Variants in DCDC1 observed in about 807,000 individuals in gnomAD.
DCDC1 encodes doublecortin domain-containing protein 1.
A neutral mutation model predicts 178.3 loss-of-function variants in DCDC1; 200 were observed. The observed-to-expected ratio is 1.12, with a 90% CI of 1.00 to 1.26. The LOEUF is 1.26. Ranked by LOEUF, DCDC1 falls within the 50% of genes most tolerant of loss-of-function variation. The pLI, the probability that DCDC1 is intolerant of heterozygous loss-of-function variation, is 0.00. For missense variants in DCDC1, 1,983 were observed against 1,749.2 expected (o/e 1.13, Z -2.38); for synonymous variants, 690 against 604.8 (o/e 1.14, Z -2.07).
chr11:31,204,435 A>G (rs1053725192), intron 9 of DCDC1, among the ~76,000 whole-genome samples: 13 of 152,224 alleles, frequency 8.5e-5, no homozygotes, highest in African/African-American at 3.1e-4. Context: ...CCTGAAAAAA[A>G]AAAAGGGATA....
intron 9 of DCDC1, among the ~76,000 whole-genome samples, chr11:31,218,787 C>G (rs1037104575): frequency 2.0e-5 from 3 of 152,106 alleles, no homozygotes; most frequent in South Asian, 4.1e-4. Flanking sequence ...CTTCATTCTT[C>G]CTCCCTCACT....
At chr11:30,965,050 G>A (rs1039042927) in intron 20 of DCDC1, among the ~76,000 whole-genome samples, 27 of 152,152 alleles carry the variant, frequency 1.8e-4, no homozygotes, top group Admixed American at 5.2e-4. Flanking sequence ...CTGAAGACAG[G>A]GTGAGTGAGT....
At chr11:31,210,299 C>G (rs1565435990) in intron 9 of DCDC1, among the ~76,000 whole-genome samples, 1 of 152,198 alleles carries the variant, frequency 6.6e-6, no homozygotes, top group Non-Finnish European at 1.5e-5. Context: ...CAATTGTTCC[C>G]AGTTCCAGAA....
At chr11:31,368,481 G>C (rs1952083934) in intron 1 of DCDC1, among the ~76,000 whole-genome samples, 1 of 152,066 alleles carries the variant, frequency 6.6e-6, no homozygotes, top group Non-Finnish European at 1.5e-5. Context: ...ATTTTCATGA[G>C]GCCACACAAG....
At chr11:31,081,294 T>A (rs1277836448) in intron 17 of DCDC1, among the ~76,000 whole-genome samples, 3 of 152,128 alleles carry the variant, frequency 2.0e-5, no homozygotes, top group Admixed American at 6.5e-5. Flanking sequence ...CTAAAGAAGA[T>A]AAATTACACA....
chr11:31,103,556 GT>G, intron 14 of DCDC1, 87 bp downstream of exon 14: 1 of 605,998 alleles, frequency 1.7e-6, no homozygotes, highest in South Asian at 2.1e-5. Flanking sequence ...ATCTTTTAGT[GT>G]TTCGAATCTC....
intron 20 of DCDC1, among the ~76,000 whole-genome samples, chr11:30,963,576 A>T (rs1424661491): frequency 6.6e-6 from 1 of 152,006 alleles, no homozygotes; most frequent in Non-Finnish European, 1.5e-5. Context: ...CTGGACATGT[A>T]CTCCACTAGT....
intron 9 of DCDC1, among the ~76,000 whole-genome samples, chr11:31,233,504 G>T (rs1424054086): frequency 6.6e-6 from 1 of 152,110 alleles, no homozygotes; most frequent in Non-Finnish European, 1.5e-5. Flanking sequence ...CTTTTTGGGG[G>T]TGGGGAGGTA....
intron 6 of DCDC1, among the ~76,000 whole-genome samples, chr11:31,298,923 A>G (rs2137510404): frequency 6.6e-6 from 1 of 152,348 alleles, no homozygotes; most frequent in South Asian, 2.1e-4. Context: ...ATAAATTTGA[A>G]AACACAACAC....
At chr11:31,023,814 G>A (rs1166051836) in intron 20 of DCDC1, among the ~76,000 whole-genome samples, 1 of 151,856 alleles carries the variant, frequency 6.6e-6, no homozygotes, top group Non-Finnish European at 1.5e-5. Context: ...ATGGAAAGGT[G>A]TAATCAGATA....
intron 2 of DCDC1, among the ~76,000 whole-genome samples, chr11:31,330,976 C>T (rs925478783): frequency 1.3e-5 from 2 of 152,062 alleles, no homozygotes; most frequent in African/African-American, 2.4e-5. Context: ...CTAAAATTAC[C>T]TTGGGCAGTA....
chr11:31,099,232 T>C (rs974897420), intron 15 of DCDC1, among the ~76,000 whole-genome samples: 11 of 152,314 alleles, frequency 7.2e-5, no homozygotes, highest in African/African-American at 2.6e-4. Flanking sequence ...TAACTGAATA[T>C]CTAGATATTG....
rs1944955142 is a variant in DCDC1, at chr11:30,904,984, T to C, written c.4285A>G (p.Ile1429Val). The C allele has an allele frequency of 6.2e-7, 1 of 1,613,670 alleles. No individual in the cohort carries two copies. Among genetic ancestry groups the C allele is most frequent in the Non-Finnish European group, 8.5e-7 (1 of 1,179,706 alleles). ...ACCATGGGGAATGTTCCAGCCACAA[T>C]TAACTTCCCATTACGATACCCATCC... ...NGDGYRNGKLIVAGTFPMLLT... is the reference protein window; with the variant it reads ...NGDGYRNGKLVVAGTFPMLLT... Residue 1429 changes from isoleucine to valine, a missense_variant, in exon 31 of 39, where the codon ATT (isoleucine) becomes GTT (valine). By Grantham distance (29) the Ile-to-Val change is conservative. Transcript: ENST00000684477.
chr11:30,865,223 C>T lies in DCDC1; in HGVS notation c.*150G>A, dbSNP rs1940874177. Reference sequence around the variant, plus strand: ...GACTAATTTTTTTTAATAAACTATGCAGGATTGTTATTTAGAAGATTTGCC... The same window carrying T: ...GACTAATTTTTTTTAATAAACTATGTAGGATTGTTATTTAGAAGATTTGCC... On this transcript the variant is annotated 3_prime_UTR_variant, in exon 39 of 39. Transcript: ENST00000684477. 1 of 151,996 alleles carries T rather than the reference C, an allele frequency of 6.6e-6. No individual in the cohort carries two copies. The highest frequency in any genetic ancestry group is 6.6e-5 in the Admixed American group (1 of 15,258). The allele number at this position is 151,996 out of a possible 1,614,324, so 9.4% of individuals were successfully genotyped here.
At chr11:31,360,861 TAGTTGGACCTACTCTATAGATAAAGGAG>T (rs1321406330) in intron 1 of DCDC1, among the ~76,000 whole-genome samples, 2 of 152,190 alleles carry the variant, frequency 1.3e-5, no homozygotes, top group African/African-American at 2.4e-5. Context: ...AGTTTTATGT[TAGTTGGACCTACTCTATAGATAAAGGAG>T]GTCCCTGTGA....
chr11:31,307,839 G>T lies in DCDC1; in HGVS notation c.234C>A (p.Gly78=). The change falls in exon 4 of 39, where the codon GGC becomes GGA. Residue 78 remains glycine, a synonymous_variant. Coordinates refer to ENST00000684477, the MANE Select transcript of DCDC1 (RefSeq NM_001387274.1). ...CTGCTGAATGCACGAGTCTGTTGGG[G>T]CCAAACTGAGACTGCAAATAATCAT... ...TTDDYLQSQF[G]PNRLVHSAAV... is the part of the protein sequence containing the mutation. 6.2e-7 allele frequency: 1 copy of T among 1,614,098 alleles called. No homozygotes were observed. The highest frequency in any genetic ancestry group is 2.2e-5 in the East Asian group (1 of 44,882).
At chr11:31,096,991 T>C (rs1958203766) in intron 15 of DCDC1, among the ~76,000 whole-genome samples, 1 of 152,228 alleles carries the variant, frequency 6.6e-6, no homozygotes, top group African/African-American at 2.4e-5. Flanking sequence ...AGATTGAGAC[T>C]GGTGTCTAAA....
chr11:31,351,213 T>C (rs1033836524), intron 1 of DCDC1, among the ~76,000 whole-genome samples: 2 of 152,078 alleles, frequency 1.3e-5, no homozygotes, highest in African/African-American at 2.4e-5. Context: ...TTACATTATT[T>C]ATTGGTATTT....
At chr11:31,344,083 T>G (rs1197818364) in intron 1 of DCDC1, among the ~76,000 whole-genome samples, 2 of 152,164 alleles carry the variant, frequency 1.3e-5, no homozygotes, top group Admixed American at 6.5e-5. Flanking sequence ...TAGAACATAT[T>G]CACAGGCTAA....
Sources: allele counts gnomAD v4.1 joint callset (sites outside exome capture counted in the v4.1 genomes callset), GRCh38; gene constraint gnomAD v4.1.1; transcripts MANE v1.5; gene names NCBI Gene and HGNC (gene_info 2026-07-23, HGNC 2026-07-21).